Variants in SRGAP1 observed in about 807,000 individuals in gnomAD.
SRGAP1 encodes the protein SLIT-ROBO Rho GTPase-activating protein 1.
In SRGAP1, 43 loss-of-function variants were observed where a neutral mutation model predicts 121.9. That is an observed-to-expected ratio of 0.35 (90% CI 0.28 to 0.46). SRGAP1 has a LOEUF of 0.46. Among genes scored for constraint, SRGAP1 ranks in the 20% least tolerant of loss-of-function variants. The pLI is 1.00. For synonymous variants in SRGAP1, 447 were observed against 485.4 expected (o/e 0.92, Z 1.04); for missense variants, 1,102 against 1,350.9 (o/e 0.82, Z 2.89).
chr12:64,093,502 CTCT>C (rs1420057321), intron 12 of SRGAP1, among the ~76,000 whole-genome samples: 1 of 152,064 alleles, frequency 6.6e-6, no homozygotes, highest in African/African-American at 2.4e-5. Context: ...AACTAATGAT[CTCT>C]TTTTATCACT....
chr12:63,850,455 A>G (rs1205571738), intron 1 of SRGAP1, among the ~76,000 whole-genome samples: 2 of 150,244 alleles, frequency 1.3e-5, no homozygotes, highest in South Asian at 4.2e-4. Context: ...TCTTCAAGAC[A>G]GGATCTTGCT....
intron 1 of SRGAP1, chr12:63,879,111 C>G (rs544691107): frequency 1.3e-5 from 2 of 152,066 alleles, no homozygotes; most frequent in East Asian, 3.9e-4. Flanking sequence ...CTCACGTGAT[C>G]CTCCCACCTC....
At position 64,136,214 on chromosome 12, in the gene SRGAP1, C is replaced by T. The variant is rs867136854; in HGVS notation, c.2881-6081C>T. 3.0e-4 allele frequency among the ~76,000 whole-genome samples: 46 copies of T among 152,250 alleles called. No individual in the cohort carries two copies. The Middle Eastern group carries it at 0.014, about 45-fold the overall frequency. On this transcript the variant is annotated intron_variant, in intron 21 of 21. Transcript: ENST00000355086. ...CAATCAAGTTGACACTCAGTATTAA[C>T]CATCACACTAAGAGTGGTGGTGCAT...
intron 18 of SRGAP1, among the ~76,000 whole-genome samples, chr12:64,125,620 T>C (rs1156942554): frequency 6.6e-6 from 1 of 152,200 alleles, no homozygotes; most frequent in Non-Finnish European, 1.5e-5. Context: ...GCCAAAATCA[T>C]ATTGAAGCAA....
intron 1 of SRGAP1, among the ~76,000 whole-genome samples, chr12:63,848,212 G>A (rs1898965858): frequency 6.6e-6 from 1 of 151,724 alleles, no homozygotes; most frequent in Non-Finnish European, 1.5e-5. Context: ...CGACATGTTG[G>A]CCAGGCTGGT....
At chr12:64,079,600 C>T (rs565439873) in intron 9 of SRGAP1, among the ~76,000 whole-genome samples, 32 of 152,024 alleles carry the variant, frequency 2.1e-4, no homozygotes, top group African/African-American at 7.5e-4. Context: ...GTGAGAGGAT[C>T]GCCTAAGCCT....
chr12:64,106,094 A>G (rs926512003), intron 15 of SRGAP1, among the ~76,000 whole-genome samples: 1 of 152,140 alleles, frequency 6.6e-6, no homozygotes, highest in Non-Finnish European at 1.5e-5. Flanking sequence ...ATCATAGCTC[A>G]CTGGAGCTTC....
At chr12:63,910,863 G>C (rs1286823436) in intron 1 of SRGAP1, among the ~76,000 whole-genome samples, 1 of 152,110 alleles carries the variant, frequency 6.6e-6, no homozygotes, top group Non-Finnish European at 1.5e-5. Flanking sequence ...GATCTTAAAA[G>C]GGCCTACCCC....
At chr12:63,891,158 G>A (rs187968738) in intron 1 of SRGAP1, among the ~76,000 whole-genome samples, 23 of 152,238 alleles carry the variant, frequency 1.5e-4, no homozygotes, top group Middle Eastern at 6.8e-3. Context: ...ACTCATGGAG[G>A]CCTTGGATGC....
rs2037142684 is a variant in SRGAP1, at chr12:64,153,832, G to A, written c.*11160G>A. The A allele has an allele frequency of 6.6e-6, 1 of 152,188 alleles. No individual in the cohort carries two copies. The highest frequency in any genetic ancestry group is 1.5e-5 in the Non-Finnish European group (1 of 68,030). 9.4% of individuals were successfully genotyped at this position (152,188 alleles called of 1,614,324 possible). A position where few individuals can be genotyped will look rare whatever the true frequency, so the allele number is the denominator to read the frequency against. On this transcript the variant is annotated 3_prime_UTR_variant, in exon 22 of 22. Coordinates refer to ENST00000355086, the MANE Select transcript of SRGAP1 (RefSeq NM_020762.4). Reference sequence around the variant, plus strand: ...TACATATCCAAAAGAATTGAAAACAGAAGAGATATTTGCACACTCATGTTC... The same window carrying A: ...TACATATCCAAAAGAATTGAAAACAAAAGAGATATTTGCACACTCATGTTC...
intron 1 of SRGAP1, among the ~76,000 whole-genome samples, chr12:63,906,220 C>T (rs1285126203): frequency 1.3e-5 from 2 of 152,226 alleles, no homozygotes; most frequent in East Asian, 3.9e-4. Flanking sequence ...TAGTTCATTT[C>T]TTTTAATTGC....
chr12:63,931,954 A>G (rs1043585562), intron 1 of SRGAP1, among the ~76,000 whole-genome samples: 3 of 152,176 alleles, frequency 2.0e-5, no homozygotes, highest in Non-Finnish European at 4.4e-5. Context: ...AAAATAAGAG[A>G]AGGACAGATT....
chr12:63,908,034 A>G (rs1358090103), intron 1 of SRGAP1, among the ~76,000 whole-genome samples: 7 of 152,138 alleles, frequency 4.6e-5, no homozygotes, highest in Admixed American at 1.3e-4. Context: ...TTATTTCTGG[A>G]CTTTTAATTC....
At chr12:63,969,819 A>T (rs1008655544) in intron 1 of SRGAP1, among the ~76,000 whole-genome samples, 2 of 151,942 alleles carry the variant, frequency 1.3e-5, no homozygotes, top group Admixed American at 1.3e-4. Context: ...AAAACTAAAA[A>T]ATCTACTGTC....
intron 6 of SRGAP1, among the ~76,000 whole-genome samples, chr12:64,051,979 A>G (rs2035246386): frequency 6.6e-6 from 1 of 152,224 alleles, no homozygotes; most frequent in African/African-American, 2.4e-5. Flanking sequence ...TCATAAACTT[A>G]GTAGGTAAAA....
chr12:64,084,335 G>A (rs949510646), intron 10 of SRGAP1, among the ~76,000 whole-genome samples: 1 of 149,526 alleles, frequency 6.7e-6, no homozygotes, highest in Non-Finnish European at 1.5e-5. Context: ...TTATATGTTG[G>A]GGGGTGTGGC....
At chr12:63,867,393 T>C (rs1323977044) in intron 1 of SRGAP1, among the ~76,000 whole-genome samples, 1 of 152,216 alleles carries the variant, frequency 6.6e-6, no homozygotes, top group African/African-American at 2.4e-5. Flanking sequence ...AACAAGATTG[T>C]CTTTCAAATG....
At chr12:64,006,770 C>T (rs1386690576) in intron 3 of SRGAP1, among the ~76,000 whole-genome samples, 1 of 151,900 alleles carries the variant, frequency 6.6e-6, no homozygotes, top group African/African-American at 2.4e-5. Flanking sequence ...CCAGTGTGTC[C>T]TGGGGGGGAA....
intron 3 of SRGAP1, among the ~76,000 whole-genome samples, chr12:63,995,310 A>G (rs184146006): frequency 6.6e-6 from 1 of 152,270 alleles, no homozygotes; most frequent in African/African-American, 2.4e-5. Context: ...TGTACTCTAC[A>G]TTTTCATAAA....
Sources: gnomAD v4.1 joint callset for allele counts (sites outside exome capture counted in the v4.1 genomes callset) on GRCh38, gnomAD v4.1.1 for gene constraint, MANE v1.5 for transcripts, NCBI Gene and HGNC (gene_info 2026-07-23, HGNC 2026-07-21) for gene names.